The following FGF13 variants were observed in gnomAD, a reference collection of about 807,000 sequenced individuals.
FGF13 encodes the protein fibroblast growth factor homologous factor 2.
FGF13 carries 2 observed loss-of-function variants against 19.5 expected under a neutral mutation model. The observed-to-expected ratio is 0.10, with a 90% CI of 0.04 to 0.32. The LOEUF (loss-of-function observed/expected upper bound fraction) is 0.32. Among genes scored for constraint, FGF13 ranks in the 10% least tolerant of loss-of-function variants. The probability of loss-of-function intolerance (pLI) is 1.00; values close to 1 mark genes in which losing one functional copy is unlikely to be tolerated. For synonymous variants in FGF13, 72 were observed against 76.9 expected (o/e 0.94, Z 0.33); for missense variants, 113 against 192.7 (o/e 0.59, Z 2.45).
chrX:139,204,218 G>T, upstream of FGF13: 2 of 717,716 alleles, frequency 2.8e-6, no homozygotes, highest in Non-Finnish European at 4.3e-6. Context: ...GCTCCCCTCG[G>T]TGTGGTTCGG....
At chrX:138,773,336 G>A (rs776091568) in intron 3 of FGF13, among the ~76,000 whole-genome samples, 102 of 111,918 alleles carry the variant, frequency 9.1e-4, no homozygotes, top group Non-Finnish European at 1.6e-3. Context: ...GATCTCACTG[G>A]GTCCTCAGAG....
At chrX:138,765,409 A>G (rs754004318) in intron 3 of FGF13, among the ~76,000 whole-genome samples, 74 of 111,315 alleles carry the variant, frequency 6.6e-4, no homozygotes, top group Middle Eastern at 4.6e-3. Context: ...TATAAATTCC[A>G]CCAGCTTATT....
intron 3 of FGF13, among the ~76,000 whole-genome samples, chrX:138,652,845 A>G (rs369732578): frequency 1.8e-5 from 2 of 112,358 alleles, no homozygotes; most frequent in Admixed American, 1.9e-4. Context: ...CATTAAAAGC[A>G]GCAAATCCTG....
intron 3 of FGF13, among the ~76,000 whole-genome samples, chrX:138,649,242 A>C (rs1341243992): frequency 9.0e-6 from 1 of 111,676 alleles, no homozygotes; most frequent in Non-Finnish European, 1.9e-5. Context: ...TCTCAGATAA[A>C]ATACATTTGG....
chrX:138,936,146 G>T (rs955559819), intron 1 of FGF13, among the ~76,000 whole-genome samples: 2 of 112,480 alleles, frequency 1.8e-5, no homozygotes, highest in African/African-American at 3.2e-5. Flanking sequence ...CTCTTGGGGC[G>T]AAGGCCCCAC....
chrX:139,109,904 C>T (rs965388376), intron 1 of FGF13, among the ~76,000 whole-genome samples: 1 of 111,620 alleles, frequency 9.0e-6, no homozygotes, highest in African/African-American at 3.3e-5. Flanking sequence ...AGGAAAAGAT[C>T]ATTTACCAAT....
intron 1 of FGF13, among the ~76,000 whole-genome samples, chrX:139,040,389 G>C (rs187116941): frequency 3.3e-4 from 37 of 112,171 alleles, no homozygotes; most frequent in African/African-American, 1.2e-3. Flanking sequence ...CTGTGTAAGG[G>C]GAGAGGAGGT....
intron 3 of FGF13, among the ~76,000 whole-genome samples, chrX:138,636,396 T>C (rs933669596): frequency 8.0e-5 from 9 of 111,832 alleles, no homozygotes; most frequent in Non-Finnish European, 1.7e-4. Flanking sequence ...CATTTGGCCA[T>C]TTTTACTTTA....
intron 2 of FGF13, among the ~76,000 whole-genome samples, chrX:138,863,164 T>G (rs774262421): frequency 9.0e-6 from 1 of 111,318 alleles, no homozygotes. Context: ...GGTTTCAATT[T>G]GTCACAGTCT....
chrX:139,194,638 C>T (rs1036932798), intron 1 of FGF13, among the ~76,000 whole-genome samples: 4 of 111,417 alleles, frequency 3.6e-5, no homozygotes, highest in African/African-American at 3.3e-5. Flanking sequence ...GTCAGGTGTA[C>T]GGAAAGCAAG....
chrX:139,191,522 AC>A (rs1353121347), intron 1 of FGF13, among the ~76,000 whole-genome samples: 1 of 111,761 alleles, frequency 8.9e-6, no homozygotes. Context: ...TACAGCCTGA[AC>A]CCCCAATTCC....
intron 1 of FGF13, among the ~76,000 whole-genome samples, chrX:139,122,365 G>A (rs192587276): frequency 9.0e-6 from 1 of 111,541 alleles, no homozygotes; most frequent in East Asian, 2.8e-4. Context: ...AAGTAAAGCT[G>A]TTAGACAGAA....
At chrX:138,830,587 G>A (rs139833227) in intron 3 of FGF13, among the ~76,000 whole-genome samples, 5 of 110,204 alleles carry the variant, frequency 4.5e-5, no homozygotes, top group Non-Finnish European at 9.5e-5. Context: ...TAAGAGAAAA[G>A]AAATTACTTA....
chrX:138,784,810 A>G (rs1454252288), intron 3 of FGF13, among the ~76,000 whole-genome samples: 1 of 110,720 alleles, frequency 9.0e-6, no homozygotes, highest in African/African-American at 3.3e-5. Flanking sequence ...TTAACTCCCT[A>G]ATTTCTCTTT....
intron 3 of FGF13, among the ~76,000 whole-genome samples, chrX:138,749,524 T>C (rs1299922491): frequency 8.9e-6 from 1 of 111,888 alleles, no homozygotes; most frequent in Admixed American, 9.5e-5. Context: ...TGTTTGCAGC[T>C]GAGTTTTGAA....
intron 1 of FGF13, among the ~76,000 whole-genome samples, chrX:139,036,782 T>G (rs190314177): frequency 9.0e-6 from 1 of 111,393 alleles, no homozygotes; most frequent in South Asian, 3.8e-4. Context: ...ACATCTTACA[T>G]GGATGGCAGC....
chrX:138,763,285 T>TTA (rs764861811), intron 3 of FGF13, among the ~76,000 whole-genome samples: 6 of 110,417 alleles, frequency 5.4e-5, no homozygotes, highest in African/African-American at 2.0e-4. Context: ...TATATATATT[T>TTA]TATATATATA....
chrX:139,195,322 T>C (rs899223696), intron 1 of FGF13, among the ~76,000 whole-genome samples: 4 of 111,953 alleles, frequency 3.6e-5, no homozygotes, highest in East Asian at 2.8e-4. Context: ...GAAGCCTTAA[T>C]GTTCAATAAA....
At chrX:138,947,147 GC>G in intron 1 of FGF13, among the ~76,000 whole-genome samples, 1 of 111,525 alleles carries the variant, frequency 9.0e-6, no homozygotes, top group Non-Finnish European at 1.9e-5. Flanking sequence ...AGTTTCCATG[GC>G]AAGCTCAAAA....
Sources: gnomAD v4.1 joint callset for allele counts (sites outside exome capture counted in the v4.1 genomes callset) on GRCh38, gnomAD v4.1.1 for gene constraint, MANE v1.5 for transcripts, NCBI Gene and HGNC (gene_info 2026-07-23, HGNC 2026-07-21) for gene names.